SEMA4D: variants seen among roughly 807,000 people sequenced by gnomAD.
SEMA4D encodes the protein semaphorin-4D.
SEMA4D carries 22 observed loss-of-function variants against 74.8 expected under a neutral mutation model. That is an observed-to-expected ratio of 0.29 (90% CI 0.21 to 0.42). The LOEUF (loss-of-function observed/expected upper bound fraction) is 0.42. Ranked by LOEUF, SEMA4D falls within the 10% of genes least tolerant of loss-of-function variation. SEMA4D has a pLI of 1.00. For missense variants in SEMA4D, 937 were observed against 1,118.4 expected (o/e 0.84, Z 2.31); for synonymous variants, 445 against 463.7 (o/e 0.96, Z 0.52).
At chr9:89,447,501 C>T (rs907124404) in intron 2 of SEMA4D, among the ~76,000 whole-genome samples, 3 of 152,074 alleles carry the variant, frequency 2.0e-5, no homozygotes, top group Non-Finnish European at 2.9e-5. Flanking sequence ...CTGTGCTCCC[C>T]GACCCCCACC....
intron 8 of SEMA4D, 85 bp from the exon 9 acceptor site, chr9:89,391,500 ACCTTGGGGG>A: frequency 1.4e-6 from 2 of 1,381,676 alleles, no homozygotes; most frequent in South Asian, 2.4e-5. Flanking sequence ...GGCCAACACT[ACCTTGGGGG>A]CCTGAGGGCT....
At chr9:89,382,448 T>A (rs1837330776) in intron 13 of SEMA4D, among the ~76,000 whole-genome samples, 2 of 152,066 alleles carry the variant, frequency 1.3e-5, no homozygotes, top group Non-Finnish European at 2.9e-5. Context: ...TCACAGGCCC[T>A]GATGCCAATA....
chr9:89,441,768 C>T (rs1851717095), intron 2 of SEMA4D, among the ~76,000 whole-genome samples: 1 of 152,196 alleles, frequency 6.6e-6, no homozygotes, highest in East Asian at 1.9e-4. Context: ...AGCTTTCCTG[C>T]CTGGGCCCTA....
rs138052277 is a variant in SEMA4D, at chr9:89,363,503, G to A, written c.2117C>T (p.Thr706Ile). ...AGCCCTCCAGGCAGAGAGCTCTCTGGTCCACCTCTCCTGGTGGGTCACTTC... is the reference window on the plus strand; with the variant it reads ...AGCCCTCCAGGCAGAGAGCTCTCTGATCCACCTCTCCTGGTGGGTCACTTC... The change falls in exon 18 of 19, where the codon ACC becomes ATC. Residue 706 changes from threonine (T) to isoleucine (I), a missense_variant. Coordinates refer to the SEMA4D transcript ENST00000339861. 7.4e-6 allele frequency: 12 copies of A among 1,613,912 alleles called. No homozygotes were observed. The African/African-American group carries it at 1.2e-4, about 16-fold the overall frequency.
At chr9:89,400,226 C>T (rs1056698857) in intron 4 of SEMA4D, among the ~76,000 whole-genome samples, 4 of 152,170 alleles carry the variant, frequency 2.6e-5, no homozygotes, top group Non-Finnish European at 5.9e-5. Context: ...AGGGACAATT[C>T]GTGATCAGAA....
At chr9:89,460,901 C>G (rs1349511756) in intron 1 of SEMA4D, among the ~76,000 whole-genome samples, 2 of 152,164 alleles carry the variant, frequency 1.3e-5, no homozygotes, top group Admixed American at 6.5e-5. Context: ...ATGTGGCCAC[C>G]ACATATGCCG....
At chr9:89,466,945 A>G (rs554124649) in intron 1 of SEMA4D, among the ~76,000 whole-genome samples, 63 of 152,352 alleles carry the variant, frequency 4.1e-4, no homozygotes, top group African/African-American at 1.3e-3. Flanking sequence ...GCAAGGCCCA[A>G]AAAGGGCCCT....
chr9:89,392,293 A>G, intron 8 of SEMA4D, 130 bp downstream of exon 8: 1 of 608,538 alleles, frequency 1.6e-6, no homozygotes, highest in South Asian at 2.0e-5. Context: ...TTTGGGAAGT[A>G]TCCCCCACAA....
At chr9:89,380,136 G>A (rs529970133) in intron 15 of SEMA4D, among the ~76,000 whole-genome samples, 3 of 151,858 alleles carry the variant, frequency 2.0e-5, no homozygotes, top group Admixed American at 6.6e-5. Context: ...CAGCTCAAGG[G>A]ATCTTCCCAC....
chr9:89,433,293 C>T (rs1849667030), intron 2 of SEMA4D, among the ~76,000 whole-genome samples: 1 of 76,336 alleles, frequency 1.3e-5, no homozygotes, highest in Non-Finnish European at 2.9e-5. Flanking sequence ...AGCAGACGGA[C>T]TGAGGGTGGG....
At chr9:89,452,815 G>A (rs1588005917) in intron 2 of SEMA4D, among the ~76,000 whole-genome samples, 1 of 152,212 alleles carries the variant, frequency 6.6e-6, no homozygotes, top group African/African-American at 2.4e-5. Context: ...GAAGTGACCT[G>A]CTGCACTGTC....
At chr9:89,393,520 C>T in intron 7 of SEMA4D, 42 bp downstream of exon 7, 1 of 1,483,084 alleles carries the variant, frequency 6.7e-7, no homozygotes, top group South Asian at 1.1e-5. Context: ...TAACATGCCA[C>T]TGTAATCTTC....
chr9:89,391,537 G>A, intron 8 of SEMA4D, 122 bp from the exon 9 acceptor site: 1 of 907,912 alleles, frequency 1.1e-6, no homozygotes, highest in Non-Finnish European at 1.7e-6. Context: ...AAGGATGTCT[G>A]GAGTGTGCAC....
intron 13 of SEMA4D, chr9:89,385,002 C>T (rs1036181100): frequency 1.7e-5 from 17 of 985,294 alleles, no homozygotes; most frequent in African/African-American, 3.5e-5. Context: ...CAGAGACAGG[C>T]GGGTCGGGTG....
intron 15 of SEMA4D, 142 bp from the exon 16 acceptor site, chr9:89,379,771 G>A: frequency 9.9e-7 from 1 of 1,014,314 alleles, no homozygotes. Context: ...AGGAGATAAA[G>A]ACATGCGTGA....
intron 1 of SEMA4D, among the ~76,000 whole-genome samples, chr9:89,496,436 A>AGTGATGT (rs1826017370): frequency 6.6e-6 from 1 of 152,152 alleles, no homozygotes; most frequent in African/African-American, 2.4e-5. Flanking sequence ...TCCTGGCACC[A>AGTGATGT]GTGATGTGTT....
rs1244528885 is a variant in SEMA4D, at chr9:89,378,483, G to A, written c.*221C>T. 9.1e-6 allele frequency: 5 copies of A among 547,686 alleles called. No individual in the cohort carries two copies. The African/African-American group carries it at 9.4e-5, about 10-fold the overall frequency. 33.9% of individuals were successfully genotyped at this position (547,686 alleles called of 1,614,324 possible). Reference sequence around the variant, plus strand: ...TACTCCGACTGACTTCGGAACACAAGACTGGGATGCAATGCTTGTCATTTT... The same window carrying A: ...TACTCCGACTGACTTCGGAACACAAAACTGGGATGCAATGCTTGTCATTTT... On this transcript the variant is annotated 3_prime_UTR_variant, in exon 16 of 16. Coordinates refer to ENST00000422704, the MANE Select transcript of SEMA4D (RefSeq NM_001371194.2).
chr9:89,386,306 CA>C, intron 13 of SEMA4D, 60 bp downstream of exon 13: 1 of 1,337,834 alleles, frequency 7.5e-7, no homozygotes, highest in Non-Finnish European at 1.1e-6. Flanking sequence ...ACTCTCCTGT[CA>C]CCTAGAATCA....
chr9:89,380,477 G>A (rs1372258420), intron 15 of SEMA4D, among the ~76,000 whole-genome samples: 4 of 152,166 alleles, frequency 2.6e-5, no homozygotes, highest in Admixed American at 6.5e-5. Context: ...GACTACAGGC[G>A]TGTACCACCA....
Sources: gnomAD v4.1 joint callset for allele counts (sites outside exome capture counted in the v4.1 genomes callset) on GRCh38, gnomAD v4.1.1 for gene constraint, MANE v1.5 for transcripts, NCBI Gene and HGNC (gene_info 2026-07-23, HGNC 2026-07-21) for gene names.